Variants in TFRC observed in about 807,000 individuals in gnomAD.
TFRC encodes transferrin receptor.
A neutral mutation model predicts 85.8 loss-of-function variants in TFRC; 35 were observed. That is an observed-to-expected ratio of 0.41 (90% confidence interval 0.31 to 0.54). The LOEUF is 0.54. Ranked by LOEUF, TFRC falls within the 20% of genes least tolerant of loss-of-function variation. The pLI is 0.31. For synonymous variants in TFRC, 362 were observed against 328.6 expected, an observed-to-expected ratio of 1.10 and a Z score of -1.10; for missense variants, 828 against 921.5, an observed-to-expected ratio of 0.90 and a Z score of 1.31.
intron 18 of TFRC, among the ~76,000 whole-genome samples, chr3:196,053,200 A>T (rs548834955): frequency 2.0e-5 from 3 of 152,174 alleles, no homozygotes; most frequent in Admixed American, 6.5e-5. Context: ...TCCCCATTGG[A>T]GCATACATGG....
chr3:196,062,578 T>C lies in TFRC; in HGVS notation c.1468+4A>G, dbSNP rs547419625. ...CATACACAGCTAATGAAAGGGATAC[T>C]TACCAAGAACCGCTTTATCCAGATT... On this transcript the variant is annotated splice_donor_region_variant and intron_variant, in intron 13 of 18. Transcript: ENST00000360110. The C allele has an allele frequency of 1.2e-6, 2 of 1,606,776 alleles. No individual in the cohort carries two copies. Among genetic ancestry groups the C allele is most frequent in the South Asian group, 1.1e-5 (1 of 89,436 alleles).
At chr3:196,067,724 T>C (rs1402087257) in intron 8 of TFRC, 67 bp from the exon 9 acceptor site, 1 of 1,572,892 alleles carries the variant, frequency 6.4e-7, no homozygotes, top group Admixed American at 1.8e-5. Flanking sequence ...AAGATTCAGG[T>C]TTGGTATAAG....
At chr3:196,065,715 G>T in intron 9 of TFRC, 115 bp from the exon 10 acceptor site, 1 of 1,163,426 alleles carries the variant, frequency 8.6e-7, no homozygotes. Flanking sequence ...CTCTCAGCCC[G>T]GCGAAGTGGC....
intron 4 of TFRC, 62 bp downstream of exon 4, chr3:196,073,868 C>G (rs1718434512): frequency 1.1e-5 from 16 of 1,514,650 alleles, no homozygotes; most frequent in Non-Finnish European, 1.3e-5. Flanking sequence ...TATTGTTTCC[C>G]CGTGGCCTAT....
chr3:196,052,300 T>A, intron 18 of TFRC, 116 bp from the exon 19 acceptor site: 5 of 1,127,326 alleles, frequency 4.4e-6, no homozygotes, highest in Non-Finnish European at 6.1e-6. Context: ...GACTTTTTTT[T>A]TTTTTTTTTT....
intron 5 of TFRC, 56 bp from the exon 6 acceptor site, chr3:196,071,554 T>G: frequency 6.8e-7 from 1 of 1,479,570 alleles, no homozygotes; most frequent in Non-Finnish European, 9.4e-7. Context: ...AAAAACACAA[T>G]AGCTTACATT....
intron 9 of TFRC, among the ~76,000 whole-genome samples, 177 bp from the exon 10 acceptor site, chr3:196,065,777 G>C (rs758058267): frequency 6.6e-6 from 1 of 151,912 alleles, no homozygotes; most frequent in Non-Finnish European, 1.5e-5. Flanking sequence ...GGATCACAAG[G>C]TCAGGAGTTC....
At chr3:196,062,763 G>A in intron 12 of TFRC, 91 bp downstream of exon 12, 2 of 1,557,020 alleles carry the variant, frequency 1.3e-6, no homozygotes. Flanking sequence ...AGGCAAAAGT[G>A]GTAAAATCAA....
intron 16 of TFRC, among the ~76,000 whole-genome samples, chr3:196,056,200 A>T (rs1388829798): frequency 6.6e-6 from 1 of 152,038 alleles, no homozygotes; most frequent in Non-Finnish European, 1.5e-5. Flanking sequence ...CACTTAATTT[A>T]AAAAATTTTT....
chr3:196,071,816 A>G (rs986780484), intron 5 of TFRC, among the ~76,000 whole-genome samples, 187 bp downstream of exon 5: 2 of 152,226 alleles, frequency 1.3e-5, no homozygotes, highest in East Asian at 3.8e-4. Context: ...AGGCAGGAGA[A>G]TCACTTGAAC....
chr3:196,069,802 T>A, intron 6 of TFRC: 2 of 376,964 alleles, frequency 5.3e-6, no homozygotes, highest in Non-Finnish European at 9.5e-6. Flanking sequence ...TTTTATCCCA[T>A]GCTGCCTTTC....
chr3:196,049,322 T>C lies in TFRC; in HGVS notation c.*2620A>G. ...ATTTTATTAAATCAGACAAGGAATCTCCACACTGTTGCACATAACAGCTTT... is the reference window on the plus strand; with the variant it reads ...ATTTTATTAAATCAGACAAGGAATCCCCACACTGTTGCACATAACAGCTTT... On this transcript the variant is annotated 3_prime_UTR_variant, in exon 19 of 19. Transcript: ENST00000360110. The C allele has an allele frequency of 5.3e-6, 1 of 187,238 alleles. No homozygotes were observed. The highest frequency in any genetic ancestry group is 8.7e-5 in the East Asian group (1 of 11,526). The allele number at this position is 187,238 out of a possible 1,614,324, so 11.6% of individuals were successfully genotyped here.
chr3:196,053,637 TTAAG>T (rs1468248711), intron 17 of TFRC, 79 bp from the exon 18 acceptor site: 6 of 1,558,174 alleles, frequency 3.9e-6, no homozygotes, highest in East Asian at 4.5e-5. Context: ...TTAACGTGCG[TTAAG>T]TAAGATTCTG....
intron 17 of TFRC, 35 bp downstream of exon 17, chr3:196,055,045 A>C: frequency 6.3e-7 from 1 of 1,593,322 alleles, no homozygotes; most frequent in Non-Finnish European, 8.6e-7. Flanking sequence ...CTTGACATTC[A>C]GCAAAATAAA....
intron 1 of TFRC, among the ~76,000 whole-genome samples, chr3:196,078,460 C>T (rs1477300368): frequency 2.6e-5 from 4 of 152,034 alleles, no homozygotes; most frequent in Non-Finnish European, 5.9e-5. Context: ...AGTTTGAGAC[C>T]AGCCTGGCCA....
At chr3:196,056,573 T>C (rs1045198948) in intron 16 of TFRC, among the ~76,000 whole-genome samples, 1 of 151,762 alleles carries the variant, frequency 6.6e-6, no homozygotes, top group Non-Finnish European at 1.5e-5. Context: ...CTAATTTTTT[T>C]GTATTTTTAG....
chr3:196,058,397 TG>T, intron 15 of TFRC, 32 bp from the exon 16 acceptor site: 1 of 1,592,276 alleles, frequency 6.3e-7, no homozygotes, highest in Non-Finnish European at 8.6e-7. Context: ...CTTTAGAAAG[TG>T]TTTTAAAGAA....
chr3:196,067,891 T>TA (rs1444846262), intron 8 of TFRC, 141 bp downstream of exon 8: 107 of 755,210 alleles, frequency 1.4e-4, no homozygotes, highest in Non-Finnish European at 1.5e-4. Flanking sequence ...AAAGTCAATG[T>TA]AATCTATCTT....
chr3:196,071,366 G>A, intron 6 of TFRC, 30 bp downstream of exon 6: 1 of 1,539,372 alleles, frequency 6.5e-7, no homozygotes, highest in Non-Finnish European at 9.0e-7. Flanking sequence ...CAATAGGGAA[G>A]AGTCTCATGC....
Sources: gnomAD v4.1 joint callset for allele counts (sites outside exome capture counted in the v4.1 genomes callset) on GRCh38, gnomAD v4.1.1 for gene constraint, MANE v1.5 for transcripts, NCBI Gene and HGNC (gene_info 2026-07-23, HGNC 2026-07-21) for gene names.